The following NAALADL2 variants were observed in gnomAD, a reference collection of about 807,000 sequenced individuals.
The protein encoded by NAALADL2 is N-acetylated alpha-linked acidic dipeptidase like 2, also known as inactive N-acetylated-alpha-linked acidic dipeptidase-like protein 2.
Under a neutral mutation model 87.2 loss-of-function variants are expected in NAALADL2, and 76 were observed. That is an observed-to-expected ratio of 0.87 (90% CI 0.72 to 1.05). The LOEUF (loss-of-function observed/expected upper bound fraction) is 1.05, where lower values mean the gene tolerates loss of function less well. Ranked by LOEUF, NAALADL2 falls within the 50% of genes least tolerant of loss-of-function variation. The pLI, the probability that NAALADL2 is intolerant of heterozygous loss-of-function variation, is 0.00. For missense variants in NAALADL2, 1,089 were observed against 945.8 expected, an observed-to-expected ratio of 1.15 and a Z score of -1.99; for synonymous variants, 354 against 331.0, an observed-to-expected ratio of 1.07 and a Z score of -0.75.
chr3:175,202,835 A>T (rs971144628), intron 2 of NAALADL2, among the ~76,000 whole-genome samples: 1 of 151,954 alleles, frequency 6.6e-6, no homozygotes, highest in Non-Finnish European at 1.5e-5. Context: ...ATGTCAATGA[A>T]GTTGTGTACC....
At chr3:175,080,437 TGA>T (rs1350966616) in intron 1 of NAALADL2, among the ~76,000 whole-genome samples, 4 of 152,240 alleles carry the variant, frequency 2.6e-5, no homozygotes, top group Non-Finnish European at 5.9e-5. Flanking sequence ...TCCAAGTTGG[TGA>T]GAGTCTACTG....
chr3:175,310,638 C>T (rs1758246874), intron 4 of NAALADL2, among the ~76,000 whole-genome samples: 1 of 151,758 alleles, frequency 6.6e-6, no homozygotes, highest in Non-Finnish European at 1.5e-5. Flanking sequence ...TTTTCACAGA[C>T]TAAATGATGA....
chr3:174,581,965 CT>C (rs947883405), intron 2 of NAALADL2, among the ~76,000 whole-genome samples: 62 of 152,264 alleles, frequency 4.1e-4, no homozygotes, highest in African/African-American at 1.4e-3. Context: ...ACAATTAATT[CT>C]TTTTTGGCTG....
At chr3:174,781,845 G>A (rs1716026590) in intron 3 of NAALADL2, among the ~76,000 whole-genome samples, 1 of 152,040 alleles carries the variant, frequency 6.6e-6, no homozygotes. Flanking sequence ...AGGATGGTTT[G>A]TGCCAGGCTG....
intron 11 of NAALADL2, among the ~76,000 whole-genome samples, chr3:175,649,320 G>A (rs1730433914): frequency 6.6e-6 from 1 of 151,650 alleles, no homozygotes; most frequent in Non-Finnish European, 1.5e-5. Flanking sequence ...AGACTCCACT[G>A]GCATTATCAG....
intron 1 of NAALADL2, among the ~76,000 whole-genome samples, chr3:174,915,416 A>G (rs890194694): frequency 2.6e-5 from 4 of 152,126 alleles, no homozygotes; most frequent in Admixed American, 2.6e-4. Context: ...AACATTAGAT[A>G]TCTTTCTAGA....
At chr3:175,535,253 T>C (rs895991055) in intron 9 of NAALADL2, among the ~76,000 whole-genome samples, 3 of 152,196 alleles carry the variant, frequency 2.0e-5, no homozygotes, top group Admixed American at 2.0e-4. Context: ...AGTGAAAACA[T>C]TTGTTGGATA....
chr3:175,240,916 C>G (rs971449980), intron 3 of NAALADL2, among the ~76,000 whole-genome samples: 19 of 152,178 alleles, frequency 1.2e-4, no homozygotes, highest in Non-Finnish European at 8.8e-5. Flanking sequence ...CTGCCTTGGC[C>G]TCACAAAGTG....
intron 5 of NAALADL2, among the ~76,000 whole-genome samples, chr3:175,347,564 C>T (rs1262039747): frequency 6.6e-6 from 1 of 151,958 alleles, no homozygotes; most frequent in Non-Finnish European, 1.5e-5. Context: ...AGATAAATAA[C>T]CCCGTCACCA....
chr3:174,753,889 C>T (rs1711599154), intron 3 of NAALADL2, among the ~76,000 whole-genome samples: 1 of 152,128 alleles, frequency 6.6e-6, no homozygotes, highest in Admixed American at 6.5e-5. Flanking sequence ...GATTAGTGTC[C>T]TTGTCTGAAG....
intron 3 of NAALADL2, among the ~76,000 whole-genome samples, chr3:174,850,892 A>G (rs1191891726): frequency 6.6e-6 from 1 of 152,084 alleles, no homozygotes; most frequent in Non-Finnish European, 1.5e-5. Context: ...AAAAAAAAAC[A>G]CTGAAATTAT....
intron 13 of NAALADL2, among the ~76,000 whole-genome samples, chr3:175,787,962 G>T (rs557950141): frequency 2.3e-4 from 35 of 151,986 alleles, no homozygotes; most frequent in Non-Finnish European, 4.6e-4. Flanking sequence ...TGTTAATGAA[G>T]TCTATAATAG....
chr3:175,089,571 C>T (rs1719687570), intron 1 of NAALADL2, among the ~76,000 whole-genome samples: 1 of 151,996 alleles, frequency 6.6e-6, no homozygotes, highest in South Asian at 2.1e-4. Flanking sequence ...TAATTCTTGG[C>T]TCATTTTAAG....
intron 11 of NAALADL2, among the ~76,000 whole-genome samples, chr3:175,687,487 A>T (rs550730480): frequency 1.3e-5 from 2 of 152,156 alleles, no homozygotes; most frequent in South Asian, 4.1e-4. Context: ...AGCCGCATTT[A>T]ATCTTCCTAA....
chr3:174,992,588 G>A (rs1439405123), intron 1 of NAALADL2, among the ~76,000 whole-genome samples: 1 of 151,900 alleles, frequency 6.6e-6, no homozygotes, highest in Non-Finnish European at 1.5e-5. Context: ...TATCATTTCT[G>A]TTTAATTTCT....
intron 11 of NAALADL2, among the ~76,000 whole-genome samples, chr3:175,678,608 G>A (rs1014017050): frequency 6.6e-6 from 1 of 152,126 alleles, no homozygotes. Flanking sequence ...ATCATTCTGA[G>A]CAAACTATCG....
intron 11 of NAALADL2, among the ~76,000 whole-genome samples, chr3:175,636,695 C>CT (rs1326823651): frequency 1.8e-5 from 2 of 111,574 alleles, no homozygotes; most frequent in Non-Finnish European, 3.5e-5. Context: ...AAGACTCCAT[C>CT]TAAAAAAAAA....
intron 1 of NAALADL2, among the ~76,000 whole-genome samples, chr3:174,463,566 A>C (rs1442329183): frequency 6.6e-6 from 1 of 151,694 alleles, no homozygotes; most frequent in African/African-American, 2.4e-5. Flanking sequence ...AGAATCCTAA[A>C]TACTACATTT....
At chr3:175,362,875 C>T (rs1270932614) in intron 5 of NAALADL2, among the ~76,000 whole-genome samples, 3 of 147,798 alleles carry the variant, frequency 2.0e-5, no homozygotes, top group African/African-American at 7.4e-5. Context: ...CATGGCCATT[C>T]TTGAAGGAGT....
Sources: gnomAD v4.1 joint callset for allele counts (sites outside exome capture counted in the v4.1 genomes callset) on GRCh38, gnomAD v4.1.1 for gene constraint, MANE v1.5 for transcripts, NCBI Gene and HGNC (gene_info 2026-07-23, HGNC 2026-07-21) for gene names.